The following SLC12A6 variants were observed in gnomAD, a reference collection of about 807,000 sequenced individuals.
SLC12A6 encodes K-Cl cotransporter 3.
In SLC12A6, 66 loss-of-function variants were observed where a neutral mutation model predicts 135.3. The ratio of observed to expected loss-of-function variants is 0.49; its 90% CI spans 0.40 to 0.60. SLC12A6 has a LOEUF of 0.60. SLC12A6 is among the 20% of genes least tolerant of loss of function. The probability of loss-of-function intolerance (pLI) is 0.00; values close to 1 mark genes in which losing one functional copy is unlikely to be tolerated. For missense variants in SLC12A6, 1,058 were observed against 1,452.3 expected, an observed-to-expected ratio of 0.73 and a Z score of 4.41; for synonymous variants, 513 against 508.8, an observed-to-expected ratio of 1.01 and a Z score of -0.11.
chr15:34,241,140 A>T, intron 18 of SLC12A6, 93 bp downstream of exon 18: 2 of 760,390 alleles, frequency 2.6e-6, no homozygotes, highest in Non-Finnish European at 4.8e-6. Flanking sequence ...CAATTCCTTG[A>T]GCCACATATG....
rs59712831 is a variant in SLC12A6, at chr15:34,231,244, T to C, written c.*2637A>G. ...GGGTGTGGTGGCACATGCTTGTAAT[T>C]CCAGCTACTCGGGAGGCTGAGGCAG... On this transcript the variant is annotated 3_prime_UTR_variant, in exon 26 of 26. Coordinates refer to ENST00000354181, the MANE Select transcript of SLC12A6 (RefSeq NM_001365088.1). 0.17 allele frequency: 26,173 copies of C among 152,196 alleles called. 2,318 individuals carry two copies. The highest frequency in any genetic ancestry group is 0.3 in the Middle Eastern group (89 of 298). 9.4% of individuals were successfully genotyped at this position (152,196 alleles called of 1,614,324 possible). A position where few individuals can be genotyped will look rare whatever the true frequency, so the allele number is the denominator to read the frequency against.
rs890243084 is a variant in SLC12A6, at chr15:34,304,039, C to T, written c.272-28650G>A. Among the ~76,000 whole-genome samples, 11 of 152,156 alleles carry T rather than the reference C, an allele frequency of 7.2e-5. 1 individual carries two copies. Among genetic ancestry groups the T allele is most frequent in the Admixed American group, 7.2e-4 (11 of 15,270 alleles). ...ATTTTTGTCTCCCCACTAAAAGAAACCCTCTACCCATCAGCAGGCTAATCC... is the reference window on the plus strand; with the variant it reads ...ATTTTTGTCTCCCCACTAAAAGAAATCCTCTACCCATCAGCAGGCTAATCC... On this transcript the variant is annotated intron_variant, in intron 2 of 25. Coordinates refer to ENST00000354181, the MANE Select transcript of SLC12A6 (RefSeq NM_001365088.1).
chr15:34,261,387 C>A (rs1191811773), intron 3 of SLC12A6, among the ~76,000 whole-genome samples: 1 of 152,166 alleles, frequency 6.6e-6, no homozygotes, highest in African/African-American at 2.4e-5. Context: ...ACCTCCGCCT[C>A]CCTGGTTCAA....
intron 2 of SLC12A6, among the ~76,000 whole-genome samples, chr15:34,334,411 C>A (rs1383246267): frequency 6.6e-6 from 1 of 152,062 alleles, no homozygotes; most frequent in African/African-American, 2.4e-5. Flanking sequence ...TTCTTCACAA[C>A]AGCACCCTTT....
At chr15:34,286,867 G>A (rs537467997) in intron 2 of SLC12A6, among the ~76,000 whole-genome samples, 89 of 152,188 alleles carry the variant, frequency 5.8e-4, no homozygotes, top group African/African-American at 2.1e-3. Flanking sequence ...CTCATACTAT[G>A]CTTCAAAAGA....
chr15:34,327,418 G>T (rs1025511202), intron 2 of SLC12A6, among the ~76,000 whole-genome samples: 2 of 152,170 alleles, frequency 1.3e-5, no homozygotes, highest in Non-Finnish European at 2.9e-5. Flanking sequence ...TGTAATCCCA[G>T]CACTTTGGGA....
intron 3 of SLC12A6, among the ~76,000 whole-genome samples, chr15:34,270,466 C>T (rs1893838537): frequency 6.6e-6 from 1 of 152,112 alleles, no homozygotes; most frequent in East Asian, 1.9e-4. Context: ...AGCCCTTCCT[C>T]ATGCTGCTAT....
In SLC12A6 at chr15:34,260,809, T is replaced by A. The variant is rs1893067320; in HGVS notation, c.411+117A>T. 4.6e-6 allele frequency: 3 copies of A among 651,178 alleles called. No homozygotes were observed. The Admixed American group carries it at 7.6e-5, about 17-fold the overall frequency. 40.3% of individuals were successfully genotyped at this position (651,178 alleles called of 1,614,324 possible). A position where few individuals can be genotyped will look rare whatever the true frequency, so the allele number is the denominator to read the frequency against. On this transcript the variant is annotated intron_variant, in intron 4 of 25. Coordinates refer to ENST00000354181, the MANE Select transcript of SLC12A6 (RefSeq NM_001365088.1). The stretch of plus-strand genomic sequence containing the variant: ...ACTATAATAACAAGTTACAATATTT[T>A]CTTTTAACATTAAATTATCCAGCTT...
chr15:34,331,602 G>A (rs961378434), intron 2 of SLC12A6, among the ~76,000 whole-genome samples: 13 of 152,250 alleles, frequency 8.5e-5, no homozygotes, highest in African/African-American at 2.9e-4. Context: ...TATTTATGGT[G>A]TACAAGTTAT....
intron 19 of SLC12A6, among the ~76,000 whole-genome samples, chr15:34,239,694 A>G (rs1229249519): frequency 6.6e-6 from 1 of 150,450 alleles, no homozygotes; most frequent in Non-Finnish European, 1.5e-5. Flanking sequence ...TATTTGCATT[A>G]CTCTTCCTTT....
At position 34,236,835 on chromosome 15, in the gene SLC12A6, A is replaced by T. The variant is rs763461682; in HGVS notation, c.2935-20T>A. The T allele has an allele frequency of 3.7e-6, 5 of 1,335,668 alleles. No individual in the cohort carries two copies. In the East Asian group the frequency reaches 1.1e-4, roughly 31 times the overall value. 82.7% of individuals were successfully genotyped at this position (1,335,668 alleles called of 1,614,324 possible). A position where few individuals can be genotyped will look rare whatever the true frequency, so the allele number is the denominator to read the frequency against. On this transcript the variant is annotated intron_variant, in intron 22 of 25. Coordinates refer to ENST00000354181, the MANE Select transcript of SLC12A6 (RefSeq NM_001365088.1). ...GTCATGCTGCCATAGACATCACATA[A>T]AAGGGGCAAAAAGCACAAAGGAGAA...
chr15:34,333,068 TA>T (rs1173548481), intron 2 of SLC12A6, among the ~76,000 whole-genome samples: 1 of 152,100 alleles, frequency 6.6e-6, no homozygotes, highest in Non-Finnish European at 1.5e-5. Context: ...CCTCACTTAT[TA>T]AAATGTGGTT....
intron 3 of SLC12A6, among the ~76,000 whole-genome samples, chr15:34,263,452 T>C (rs1161726940): frequency 6.6e-6 from 1 of 152,084 alleles, no homozygotes; most frequent in Non-Finnish European, 1.5e-5. Context: ...AAAAAAATTA[T>C]GTCATTTAAC....
At position 34,304,406 on chromosome 15, in the gene SLC12A6, A is replaced by G. The variant is rs566645226; in HGVS notation, c.272-29017T>C. Among the ~76,000 whole-genome samples the G allele has an allele frequency of 7.7e-4, 117 of 152,238 alleles. 1 individual carries two copies. The highest frequency in any genetic ancestry group is 1.2e-3 in the Non-Finnish European group (84 of 68,048). On this transcript the variant is annotated intron_variant, in intron 2 of 25. Transcript: ENST00000354181. Reference sequence around the variant, plus strand: ...CCTGTACAAGTTTTTGTGTGGAAATACACTTAATTACTGGGACATATGGTA... The same window carrying G: ...CCTGTACAAGTTTTTGTGTGGAAATGCACTTAATTACTGGGACATATGGTA...
chr15:34,297,160 CT>C (rs920217809), intron 2 of SLC12A6, among the ~76,000 whole-genome samples: 2 of 152,134 alleles, frequency 1.3e-5, no homozygotes, highest in Non-Finnish European at 2.9e-5. Context: ...TTGCTAATCT[CT>C]TTTTTAACAG....
chr15:34,329,540 GC>G (rs1889696713), intron 2 of SLC12A6, among the ~76,000 whole-genome samples: 1 of 151,992 alleles, frequency 6.6e-6, no homozygotes, highest in East Asian at 1.9e-4. Context: ...CTAGAAACAT[GC>G]CACTGAGAAC....
chr15:34,262,278 C>A (rs1893189026), intron 3 of SLC12A6, among the ~76,000 whole-genome samples: 2 of 152,132 alleles, frequency 1.3e-5, no homozygotes, highest in South Asian at 4.1e-4. Flanking sequence ...TGCATACTCA[C>A]AAACCAATGA....
rs1263198509 is a variant in SLC12A6 at position 34,254,404 on chromosome 15, G to A, written c.1062C>T (p.Ser354=). The change falls in exon 9 of 26, where the codon TCC becomes TCT. Residue 354 remains serine (S), a synonymous_variant. Transcript: ENST00000354181. ...TGGCTCCAGCATAGATGGCCAAGAT[G>A]GACACAATGACACAGGCCAGGAAAA... ...ASLFLACVIV[S]ILAIYAGAIK... 2 of 1,613,010 alleles carry A rather than the reference G, an allele frequency of 1.2e-6. No individual in the cohort carries two copies. The highest frequency in any genetic ancestry group is 2.2e-5 in the East Asian group (1 of 44,884).
chr15:34,240,889 G>C, intron 18 of SLC12A6, 60 bp from the exon 19 acceptor site: 2 of 1,303,244 alleles, frequency 1.5e-6, no homozygotes, highest in African/African-American at 2.9e-5. Flanking sequence ...TTGGGGAACA[G>C]AATGACAGAC....
Sources: allele counts gnomAD v4.1 joint callset (sites outside exome capture counted in the v4.1 genomes callset), GRCh38; gene constraint gnomAD v4.1.1; transcripts MANE v1.5; gene names NCBI Gene and HGNC (gene_info 2026-07-23, HGNC 2026-07-21).